The following REG1B variants were observed in gnomAD, a reference collection of about 807,000 sequenced individuals.
The protein encoded by REG1B is lithostathine-1-beta.
A neutral mutation model predicts 20.4 loss-of-function variants in REG1B; 21 were observed. The ratio of observed to expected loss-of-function variants is 1.03; its 90% CI spans 0.73 to 1.48. REG1B has a LOEUF of 1.48. Among genes scored for constraint, REG1B ranks in the 40% most tolerant of loss-of-function variants. The pLI, the probability that REG1B is intolerant of heterozygous loss-of-function variation, is 0.00. For missense variants in REG1B, 247 were observed against 197.2 expected (o/e 1.25, Z -1.51); for synonymous variants, 82 against 73.4 (o/e 1.12, Z -0.60).
At position 79,086,452 on chromosome 2, in the gene REG1B, G is replaced by A. The variant is rs142194672; in HGVS notation, c.236C>T (p.Ala79Val). Residue 79 changes from alanine to valine, a missense_variant, in exon 4 of 6, where the codon GCG becomes GTG. Transcript: ENST00000305089. ...SGNLVSVLTQ[A>V]EGAFVASLIK... ...CAGTGAGGCCACGAAGGCACCCTCC[G>A]CCTGGGTGAGCACAGACACCAGGTT... The A allele has an allele frequency of 6.7e-4, 1,076 of 1,613,996 alleles. 2 individuals are homozygous for A. The highest frequency in any genetic ancestry group is 8.7e-4 in the Non-Finnish European group (1,027 of 1,179,974).
Position 79,086,921 on chromosome 2 carries a change from G to A in REG1B, c.74C>T (p.Ser25Phe), listed in dbSNP as rs1227292431. ...TCGGGGATTAGGCAGCTCTGTCTGGGACTCCTGGCCTGGGGAAAAAAAAAA... is the reference window on the plus strand; with the variant it reads ...TCGGGGATTAGGCAGCTCTGTCTGGAACTCCTGGCCTGGGGAAAAAAAAAA... The part of the protein sequence containing the change: ...MFLSLSQGQE[S>F]QTELPNPRIS... Residue 25 changes from serine to phenylalanine, a missense_variant, in exon 3 of 6, where the codon TCC becomes TTC. Transcript: ENST00000305089. 6.2e-7 allele frequency: 1 copy of A among 1,613,492 alleles called. No individual in the cohort carries two copies. The highest frequency in any genetic ancestry group is 8.5e-7 in the Non-Finnish European group (1 of 1,179,598).
chr2:79,086,591 G>C, intron 3 of REG1B, 87 bp from the exon 4 acceptor site: 1 of 1,538,570 alleles, frequency 6.5e-7, no homozygotes, highest in Non-Finnish European at 8.9e-7. Context: ...ACAGAAAAAG[G>C]ACAGCACAGA....
chr2:79,086,066 A>C, intron 4 of REG1B: 1 of 382,912 alleles, frequency 2.6e-6, no homozygotes, highest in Non-Finnish European at 4.8e-6. Context: ...CTACAGAGGG[A>C]CCTCTTCCAA....
chr2:79,086,759 C>G (rs1672405880), intron 3 of REG1B, 53 bp downstream of exon 3: 2 of 1,526,870 alleles, frequency 1.3e-6, no homozygotes, highest in East Asian at 4.5e-5. Context: ...TGCAAATTAG[C>G]AGCTGCCTCT....
Position 79,085,607 on chromosome 2 carries a change from G to A in REG1B, c.322-4C>T, listed in dbSNP as rs1397120609. 9 of 1,600,942 alleles carry A rather than the reference G, an allele frequency of 5.6e-6. No individual in the cohort carries two copies. The highest frequency in any genetic ancestry group is 1.8e-4 in the Middle Eastern group (1 of 5,460). ...TACTCCAGTGCCAGCGGCGGTTCTAGATGGAGAAGGGCCAGAACAGGGGCC... is the reference window on the plus strand; with the variant it reads ...TACTCCAGTGCCAGCGGCGGTTCTAAATGGAGAAGGGCCAGAACAGGGGCC... On this transcript the variant is annotated splice_polypyrimidine_tract_variant and splice_region_variant and intron_variant, in intron 4 of 5. Coordinates refer to ENST00000305089, the MANE Select transcript of REG1B (RefSeq NM_006507.4).
rs757178413 is a variant in REG1B, at chr2:79,086,482, G to A, written c.206C>T (p.Ser69Leu). The change falls in exon 4 of 6, where the codon TCA (serine) becomes TTA (leucine). Residue 69 changes from serine to leucine, a missense_variant. By Grantham distance (145) the Ser-to-Leu change is moderately radical (BLOSUM62 -2). Coordinates refer to ENST00000305089, the MANE Select transcript of REG1B (RefSeq NM_006507.4). ...DADLYCQNMN[S>L]GNLVSVLTQA... ...GGTGAGCACAGACACCAGGTTGCCT[G>A]AATTCATGTTCTGGCAATAGAGCTG... 31 of 1,613,734 alleles carry A rather than the reference G, an allele frequency of 1.9e-5. No homozygotes were observed. The highest frequency in any genetic ancestry group is 3.3e-5 in the Admixed American group (2 of 59,986).
At position 79,086,797 on chromosome 2, in the gene REG1B, G is replaced by A. The variant is rs1270731541; in HGVS notation, c.183+15C>T. The A allele has an allele frequency of 1.2e-6, 2 of 1,606,804 alleles. No homozygotes were observed. Among genetic ancestry groups the A allele is most frequent in the African/African-American group, 2.7e-5 (2 of 74,758 alleles). On this transcript the variant is annotated intron_variant, in intron 3 of 5. Coordinates refer to ENST00000305089, the MANE Select transcript of REG1B (RefSeq NM_006507.4). ...CTTCATAAGCCTCCCTTCCCCTGCT[G>A]CTCTCCTCACTCACATCTGCATCAA...
intron 2 of REG1B, 105 bp downstream of exon 2, chr2:79,087,444 A>C: frequency 8.6e-7 from 1 of 1,158,656 alleles, no homozygotes; most frequent in Non-Finnish European, 1.2e-6. Context: ...ACAACATAAA[A>C]AAACCCTGAT....
intron 5 of REG1B, 63 bp downstream of exon 5, chr2:79,085,429 G>A (rs757900288): frequency 1.4e-6 from 2 of 1,415,778 alleles, no homozygotes. Context: ...CAGTCCCCAT[G>A]TTCATCCCCA....
chr2:79,085,281 A>C lies in REG1B; in HGVS notation c.436T>G (p.Phe146Val). The C allele has an allele frequency of 6.2e-7, 1 of 1,610,098 alleles. No individual in the cohort carries two copies. The highest frequency in any genetic ancestry group is 2.2e-5 in the East Asian group (1 of 44,844). ...CAAGATTCATCCTTCCATTTCTTGA[A>C]TCCTATGGTACAATGAGAAGTGTCA... ...YCASLTSCSG[F>V]KKWKDESCEK... Residue 146 changes from phenylalanine to valine, a missense_variant and splice_region_variant, in exon 6 of 6, where the codon TTC (phenylalanine) becomes GTC (valine). Coordinates refer to ENST00000305089, the MANE Select transcript of REG1B (RefSeq NM_006507.4).
chr2:79,085,823 G>T, intron 4 of REG1B: 1 of 383,984 alleles, frequency 2.6e-6, no homozygotes. Flanking sequence ...TAAGTGTTCA[G>T]AATTTGATAC....
intron 3 of REG1B, 106 bp downstream of exon 3, chr2:79,086,706 A>T: frequency 7.6e-7 from 1 of 1,319,560 alleles, no homozygotes; most frequent in Non-Finnish European, 1.1e-6. Flanking sequence ...GTGGTGGAAT[A>T]GGGAAGGGAT....
At chr2:79,086,679 T>C in intron 3 of REG1B, 133 bp downstream of exon 3, 2 of 1,296,166 alleles carry the variant, frequency 1.5e-6, no homozygotes, top group Admixed American at 3.4e-5. Flanking sequence ...TAAAGTAGAT[T>C]GGGAAGTTTG....
intron 4 of REG1B, chr2:79,085,846 A>G: frequency 5.7e-6 from 2 of 349,048 alleles, no homozygotes; most frequent in South Asian, 8.1e-5. Flanking sequence ...AGACCCATAA[A>G]AGCCCATTAA....
intron 4 of REG1B, 81 bp from the exon 5 acceptor site, chr2:79,085,684 A>G: frequency 2.5e-6 from 2 of 792,712 alleles, no homozygotes; most frequent in Non-Finnish European, 4.2e-6. Context: ...ACACTCAGAA[A>G]CAGGCCAAGT....
At chr2:79,085,428 T>C (rs748673901) in intron 5 of REG1B, 64 bp downstream of exon 5, 117 of 1,414,284 alleles carry the variant, frequency 8.3e-5, no homozygotes, top group Non-Finnish European at 1.1e-4. Context: ...CCAGTCCCCA[T>C]GTTCATCCCC....
intron 2 of REG1B, chr2:79,087,347 A>G (rs1672415231): frequency 1.6e-6 from 1 of 610,294 alleles, no homozygotes; most frequent in Non-Finnish European, 2.9e-6. Context: ...GGTCACCTAT[A>G]AGTGGTCCTA....
At chr2:79,086,558 A>T (rs1331859673) in intron 3 of REG1B, 54 bp from the exon 4 acceptor site, 1 of 1,597,506 alleles carries the variant, frequency 6.3e-7, no homozygotes, top group African/African-American at 1.3e-5. Flanking sequence ...TGAGGGATAT[A>T]CTGAGACCTT....
intron 4 of REG1B, chr2:79,086,104 G>C (rs1663830390): frequency 6.6e-6 from 3 of 453,006 alleles, no homozygotes; most frequent in Non-Finnish European, 1.2e-5. Flanking sequence ...TAGGGAAAAA[G>C]TTGTACATAA....
Sources: gnomAD v4.1 joint callset for allele counts on GRCh38, gnomAD v4.1.1 for gene constraint, MANE v1.5 for transcripts, NCBI Gene and HGNC (gene_info 2026-07-23, HGNC 2026-07-21) for gene names.